ARHGEF11: variants seen among roughly 807,000 people sequenced by gnomAD.
ARHGEF11 encodes Rho guanine nucleotide exchange factor 11, also known as Rho guanine exchange factor (GEF) 11.
ARHGEF11 carries 55 observed loss-of-function variants against 193.7 expected under a neutral mutation model. The ratio of observed to expected loss-of-function variants is 0.28; its 90% confidence interval spans 0.23 to 0.36. The LOEUF (loss-of-function observed/expected upper bound fraction) is 0.36, where lower values mean the gene tolerates loss of function less well. Ranked by LOEUF, ARHGEF11 falls within the 10% of genes least tolerant of loss-of-function variation. ARHGEF11 has a pLI of 1.00. For synonymous variants in ARHGEF11, 693 were observed against 768.0 expected (o/e 0.90, Z 1.62); for missense variants, 1,723 against 2,005.6 (o/e 0.86, Z 2.69).
intron 1 of ARHGEF11, among the ~76,000 whole-genome samples, chr1:157,017,223 T>G (rs1371574867): frequency 1.3e-5 from 2 of 152,214 alleles, no homozygotes; most frequent in Admixed American, 1.3e-4. Context: ...CAGCAGGGTC[T>G]GCAGAGATCA....
At chr1:156,937,147 C>T in intron 39 of ARHGEF11, 102 bp downstream of exon 39, 5 of 1,578,940 alleles carry the variant, frequency 3.2e-6, no homozygotes, top group Non-Finnish European at 4.3e-6. Flanking sequence ...TGGGCCAGGA[C>T]AGGATCTAGG....
chr1:156,944,562 A>C, intron 30 of ARHGEF11, 129 bp from the exon 31 acceptor site: 1 of 959,792 alleles, frequency 1.0e-6, no homozygotes, highest in South Asian at 1.5e-5. Context: ...CCTTGCCCTT[A>C]CTCTCTTGTG....
chr1:157,013,222 C>G (rs1668755271), intron 1 of ARHGEF11, among the ~76,000 whole-genome samples: 1 of 142,544 alleles, frequency 7.0e-6, no homozygotes, highest in Non-Finnish European at 1.5e-5. Context: ...CCATCATGTA[C>G]TTGGGTCTGT....
Position 156,968,082 on chromosome 1 carries a change from C to G in ARHGEF11, c.868G>C (p.Asp290His). The change falls in exon 11 of 41, where the codon GAC (aspartate) becomes CAC (histidine). Residue 290 changes from aspartate to histidine, a missense_variant. Asp to His is a moderately conservative substitution (Grantham distance 81). This residue lies in a region of ARHGEF11 where 646 missense variants were observed against 710.7 expected (regional missense o/e 0.91). Coordinates refer to ENST00000368194, the MANE Select transcript of ARHGEF11 (RefSeq NM_198236.3). ...RNSVLSDPGL[D>H]SPRTSPVIMA... ...ATCACAGGGGAGGTTCGAGGACTGT[C>G]TAGCCCAGGGTCTGACAGTACCGAG... is the stretch of plus-strand genomic sequence containing the variant. 2 of 1,614,178 alleles carry G rather than the reference C, an allele frequency of 1.2e-6. No homozygotes were observed. The highest frequency in any genetic ancestry group is 1.7e-6 in the Non-Finnish European group (2 of 1,180,000).
intron 15 of ARHGEF11, among the ~76,000 whole-genome samples, chr1:156,960,199 C>T (rs1234817090): frequency 5.9e-5 from 9 of 152,100 alleles, no homozygotes; most frequent in Non-Finnish European, 5.9e-5. Flanking sequence ...ACAAGCTCCC[C>T]CCGGCAGAGT....
chr1:156,938,433 C>T lies in ARHGEF11; in HGVS notation c.4177G>A (p.Gly1393Arg), dbSNP rs142548089. 8.3e-4 allele frequency: 1,344 copies of T among 1,613,700 alleles called. No homozygotes were observed. The highest frequency in any genetic ancestry group is 1.5e-3 in the Middle Eastern group (9 of 6,060). ...AAGTTATTACCCGTAGCCTTTGTTC[C>T]GCCTTCCACTTCAGGTGGCCCAGGC... ...SEPGPPEVEG[G>R]TKATGNCFYV... The change falls in exon 38 of 41, where the codon GGA becomes AGA. Residue 1393 changes from glycine (G) to arginine (R), a missense_variant. Physicochemically the swap from Gly to Arg is moderately radical, Grantham distance 125 (BLOSUM62 -2). Transcript: ENST00000368194.
chr1:156,948,473 G>C lies in ARHGEF11; in HGVS notation c.1951C>G (p.Arg651Gly). 1.2e-6 allele frequency: 2 copies of C among 1,614,198 alleles called. No homozygotes were observed. The highest frequency in any genetic ancestry group is 1.7e-6 in the Non-Finnish European group (2 of 1,180,028). The change falls in exon 23 of 41, where the codon CGC becomes GGC. Residue 651 changes from arginine (R) to glycine (G), a missense_variant. Coordinates refer to ENST00000368194, the MANE Select transcript of ARHGEF11 (RefSeq NM_198236.3). The surrounding 1 kb of genome is among the most constrained non-coding windows in gnomAD (Gnocchi z 4.2). ...TCCCGGCCCTTGAGGCTTTCAGAGC[G>C]GCCCAGGCGAATCTCTGAGCGTGAA... ...DSSRSEIRLG[R>G]SESLKGREEM...
In ARHGEF11 at chr1:156,961,782, G is replaced by C; in HGVS notation, c.1141-7C>G. ...CTGCACACAGGTAAAAAAGCTAGGA[G>C]GAGAGAGAACTGGGTTAGAGCAGTG... On this transcript the variant is annotated splice_region_variant and splice_polypyrimidine_tract_variant and intron_variant, in intron 13 of 40. Coordinates refer to ENST00000368194, the MANE Select transcript of ARHGEF11 (RefSeq NM_198236.3). 1 of 1,613,806 alleles carries C rather than the reference G, an allele frequency of 6.2e-7. No homozygotes were observed. Among genetic ancestry groups the C allele is most frequent in the Non-Finnish European group, 8.5e-7 (1 of 1,179,702 alleles).
At chr1:157,000,937 G>T (rs1667137130) in intron 1 of ARHGEF11, among the ~76,000 whole-genome samples, 1 of 152,218 alleles carries the variant, frequency 6.6e-6, no homozygotes, top group Non-Finnish European at 1.5e-5. Flanking sequence ...AGGAAGCCCT[G>T]CCAGAAGTAG....
At position 156,941,998 on chromosome 1, in the gene ARHGEF11, C is replaced by T. The variant is rs562579627; in HGVS notation, c.3327-9G>A. On this transcript the variant is annotated splice_polypyrimidine_tract_variant and intron_variant, in intron 33 of 40. Coordinates refer to ENST00000368194, the MANE Select transcript of ARHGEF11 (RefSeq NM_198236.3). ...CTAAGAGCTCCATCCATCTGTTGCT[C>T]GGCAGGAACAGAGAGGACTGTAGTG... 17 of 1,613,912 alleles carry T rather than the reference C, an allele frequency of 1.1e-5. 1 individual carries two copies. In the South Asian group the frequency reaches 1.1e-4, roughly 10 times the overall value.
intron 1 of ARHGEF11, among the ~76,000 whole-genome samples, chr1:157,041,625 G>T (rs1259500465): frequency 6.6e-6 from 1 of 152,058 alleles, no homozygotes; most frequent in Non-Finnish European, 1.5e-5. Context: ...CGTGAATGTT[G>T]AAACAACCCG....
rs760227224 is a variant in ARHGEF11 at position 156,974,224 on chromosome 1, T to C, written c.583-2408A>G. Among the ~76,000 whole-genome samples, 342 of 152,250 alleles carry C rather than the reference T, an allele frequency of 2.2e-3. 5 individuals carry two copies. The highest frequency in any genetic ancestry group is 5.4e-4 in the Non-Finnish European group (37 of 68,018). ...CTAGGACTGCAGGCATGCACCATTATGCCTGGCTAATTTTTAAAACTTTTT... is the reference window on the plus strand; with the variant it reads ...CTAGGACTGCAGGCATGCACCATTACGCCTGGCTAATTTTTAAAACTTTTT... On this transcript the variant is annotated intron_variant, in intron 7 of 40. Coordinates refer to ENST00000368194, the MANE Select transcript of ARHGEF11 (RefSeq NM_198236.3).
intron 1 of ARHGEF11, among the ~76,000 whole-genome samples, chr1:157,033,869 G>A (rs1160979274): frequency 6.6e-6 from 1 of 152,108 alleles, no homozygotes; most frequent in South Asian, 2.1e-4. Flanking sequence ...CCTTCTTTAG[G>A]TGTCTCTCCC....
At chr1:156,963,729 C>A in intron 11 of ARHGEF11, 135 bp from the exon 12 acceptor site, 1 of 1,473,806 alleles carries the variant, frequency 6.8e-7, no homozygotes, top group Non-Finnish European at 8.9e-7. Context: ...GCATCTCACT[C>A]CCGCCCCCAA....
chr1:156,981,410 AG>A (rs1664153897), intron 3 of ARHGEF11, among the ~76,000 whole-genome samples: 1 of 152,226 alleles, frequency 6.6e-6, no homozygotes, highest in Non-Finnish European at 1.5e-5. Flanking sequence ...GGTGCTCAAA[AG>A]AACATGCTCT....
chr1:156,947,227 C>T (rs999702984), intron 26 of ARHGEF11, 77 bp downstream of exon 26: 1 of 1,548,074 alleles, frequency 6.5e-7, no homozygotes, highest in Non-Finnish European at 8.7e-7. Context: ...TCAGGGAGGT[C>T]CTGGCAGTGG....
rs768018061 is a variant in ARHGEF11, at chr1:156,958,792, G to A, written c.1452C>T (p.Leu484=). ...GCTTCTCAGCCACTTGGCGCTCTCG[G>A]AGAGGGTCCCCATCCAGGTCCAGCA... The part of the protein sequence containing the change: ...NDLLDLDGDP[L]RERQVAEKQL... The change falls in exon 17 of 41, where the codon CTC becomes CTT. Residue 484 remains leucine (L), a synonymous_variant. Coordinates refer to ENST00000368194, the MANE Select transcript of ARHGEF11 (RefSeq NM_198236.3). 3.1e-6 allele frequency: 5 copies of A among 1,614,082 alleles called. No individual in the cohort carries two copies. Among genetic ancestry groups the A allele is most frequent in the East Asian group, 2.2e-5 (1 of 44,896 alleles).
intron 1 of ARHGEF11, among the ~76,000 whole-genome samples, chr1:157,006,460 T>C (rs1418723166): frequency 1.7e-5 from 2 of 116,102 alleles, no homozygotes; most frequent in African/African-American, 6.7e-5. Flanking sequence ...GTGAGAGACC[T>C]AGGATGTATT....
intron 40 of ARHGEF11, among the ~76,000 whole-genome samples, chr1:156,936,491 AAAAAAAAT>A (rs1464131515): frequency 1.3e-4 from 9 of 71,386 alleles, no homozygotes; most frequent in African/African-American, 4.2e-4. Context: ...AAAAAAAAAA[AAAAAAAAT>A]ATATATATAT....
Sources: allele counts gnomAD v4.1 joint callset (sites outside exome capture counted in the v4.1 genomes callset), GRCh38; gene constraint gnomAD v4.1.1; regional missense constraint gnomAD v4.1.1; non-coding constraint Gnocchi (gnomAD v3.1); transcripts MANE v1.5; gene names NCBI Gene and HGNC (gene_info 2026-07-23, HGNC 2026-07-21).